The following SYT1 variants were observed in gnomAD, a reference collection of about 807,000 sequenced individuals.
SYT1 encodes synaptotagmin 1.
Under a neutral mutation model 44.8 loss-of-function variants are expected in SYT1, and 8 were observed. The observed-to-expected ratio is 0.18, with a 90% confidence interval of 0.10 to 0.32. The LOEUF (loss-of-function observed/expected upper bound fraction) is 0.32, where lower values mean the gene tolerates loss of function less well. Ranked by LOEUF, SYT1 falls within the 10% of genes least tolerant of loss-of-function variation. SYT1 has a pLI of 1.00. For missense variants in SYT1, 286 were observed against 509.3 expected, an observed-to-expected ratio of 0.56 and a Z score of 4.22; for synonymous variants, 154 against 188.8, an observed-to-expected ratio of 0.82 and a Z score of 1.51.
intron 2 of SYT1, among the ~76,000 whole-genome samples, chr12:79,012,852 G>T (rs1481919514): frequency 6.6e-6 from 1 of 152,100 alleles, no homozygotes; most frequent in African/African-American, 2.4e-5. Flanking sequence ...TTTATGATGA[G>T]GTAATGTCCT....
chr12:78,978,369 G>A (rs921231911), intron 2 of SYT1, among the ~76,000 whole-genome samples: 1 of 152,166 alleles, frequency 6.6e-6, no homozygotes, highest in Non-Finnish European at 1.5e-5. Flanking sequence ...TGGGTGAGGG[G>A]TTAGAGGGGA....
At chr12:78,972,879 G>A (rs1257063159) in intron 1 of SYT1, among the ~76,000 whole-genome samples, 2 of 151,996 alleles carry the variant, frequency 1.3e-5, no homozygotes, top group East Asian at 3.9e-4. Context: ...TCTCTAAACT[G>A]AGAATAACTA....
chr12:79,040,245 T>G (rs967835138), intron 2 of SYT1, among the ~76,000 whole-genome samples: 2 of 150,744 alleles, frequency 1.3e-5, no homozygotes, highest in African/African-American at 4.9e-5. Flanking sequence ...ACCAACAGTG[T>G]AAAAGTGTTC....
intron 2 of SYT1, among the ~76,000 whole-genome samples, chr12:78,986,135 A>G (rs1869625240): frequency 1.3e-5 from 2 of 152,030 alleles, no homozygotes; most frequent in African/African-American, 4.8e-5. Context: ...CAAACGGAAA[A>G]TCTAAGTTTG....
chr12:78,994,524 T>C (rs1870236334), intron 2 of SYT1, among the ~76,000 whole-genome samples: 1 of 149,944 alleles, frequency 6.7e-6, no homozygotes, highest in African/African-American at 2.4e-5. Context: ...GAGCATCCTT[T>C]GTTCTGAGGA....
chr12:79,306,605 C>T (rs1220862118), intron 8 of SYT1, among the ~76,000 whole-genome samples: 1 of 152,146 alleles, frequency 6.6e-6, no homozygotes, highest in East Asian at 1.9e-4. Context: ...GGAAAATTCT[C>T]ATTAGGAGAT....
chr12:79,295,462 C>T (rs1397182607), intron 6 of SYT1, among the ~76,000 whole-genome samples: 1 of 152,132 alleles, frequency 6.6e-6, no homozygotes, highest in African/African-American at 2.4e-5. Flanking sequence ...TCTTTTACTC[C>T]GTGTCCTATA....
chr12:79,449,219 C>G lies in SYT1; in HGVS notation c.*95C>G. 7.9e-7 allele frequency: 1 copy of G among 1,264,144 alleles called. No homozygotes were observed. The highest frequency in any genetic ancestry group is 1.1e-6 in the Non-Finnish European group (1 of 908,632). 78.3% of individuals were successfully genotyped at this position (1,264,144 alleles called of 1,614,324 possible). A position where few individuals can be genotyped will look rare whatever the true frequency, so the allele number is the denominator to read the frequency against. On this transcript the variant is annotated 3_prime_UTR_variant, in exon 11 of 11. Transcript: ENST00000261205. ...AATATGGGTCCTTTCATTTTTCCAG[C>G]CATGCATTCCTAACACAATTCAGTG...
chr12:79,022,935 C>T (rs113729603), intron 2 of SYT1, among the ~76,000 whole-genome samples: 1 of 151,658 alleles, frequency 6.6e-6, no homozygotes, highest in Non-Finnish European at 1.5e-5. Context: ...CTAGAAATAA[C>T]CTTTAGATAA....
intron 3 of SYT1, among the ~76,000 whole-genome samples, chr12:79,062,370 A>C (rs933325156): frequency 6.6e-6 from 1 of 152,140 alleles, no homozygotes; most frequent in Non-Finnish European, 1.5e-5. Flanking sequence ...TTCTGTTACA[A>C]ATAACTTGCA....
At chr12:79,158,257 C>T (rs1470324850) in intron 3 of SYT1, among the ~76,000 whole-genome samples, 4 of 152,002 alleles carry the variant, frequency 2.6e-5, no homozygotes, top group Non-Finnish European at 4.4e-5. Flanking sequence ...TGATGGGAGA[C>T]AATGACAGAT....
chr12:79,444,031 T>C (rs773793910), intron 9 of SYT1, 42 bp from the exon 10 acceptor site: 1 of 1,601,620 alleles, frequency 6.2e-7, no homozygotes, highest in Non-Finnish European at 8.5e-7. Flanking sequence ...CTAAAATATG[T>C]GTCTCTGATC....
intron 3 of SYT1, among the ~76,000 whole-genome samples, chr12:79,162,013 GA>G (rs762853644): frequency 3.3e-5 from 5 of 152,058 alleles, no homozygotes; most frequent in African/African-American, 4.8e-5. Context: ...AGGTTTTCTT[GA>G]AATATGTGAT....
Position 79,299,488 on chromosome 12 carries a change from C to T in SYT1, c.747C>T (p.Asn249=), listed in dbSNP as rs1302802358. 2 of 1,613,470 alleles carry T rather than the reference C, an allele frequency of 1.2e-6. No homozygotes were observed. Among genetic ancestry groups the T allele is most frequent in the Non-Finnish European group, 1.7e-6 (2 of 1,179,638 alleles). Residue 249 remains asparagine, a synonymous_variant, in exon 8 of 11, where the codon AAC becomes AAT. Transcript: ENST00000261205. ...TTGGAGAATTTAAAGTCCCTATGAA[C>T]ACAGTGGATTTTGGCCATGTAACTG... is the stretch of plus-strand genomic sequence containing the variant. The part of the protein sequence containing the change: ...DIIGEFKVPM[N]TVDFGHVTEE...
At chr12:79,039,775 C>A (rs1873405339) in intron 2 of SYT1, among the ~76,000 whole-genome samples, 1 of 123,654 alleles carries the variant, frequency 8.1e-6, no homozygotes, top group African/African-American at 3.0e-5. Context: ...CTTCCCCCTC[C>A]CCCCACCCAA....
chr12:79,277,337 A>G (rs1262622898), intron 4 of SYT1, among the ~76,000 whole-genome samples: 1 of 152,202 alleles, frequency 6.6e-6, no homozygotes, highest in Non-Finnish European at 1.5e-5. Flanking sequence ...GAAACCTTCT[A>G]AACCAGAAGG....
At chr12:79,420,113 G>C (rs186486439) in intron 9 of SYT1, among the ~76,000 whole-genome samples, 1 of 152,204 alleles carries the variant, frequency 6.6e-6, no homozygotes, top group Admixed American at 6.6e-5. Context: ...TGCTGTCACA[G>C]ACAATACAAC....
At chr12:79,325,898 C>G (rs1881588214) in intron 8 of SYT1, among the ~76,000 whole-genome samples, 1 of 152,178 alleles carries the variant, frequency 6.6e-6, no homozygotes, top group Non-Finnish European at 1.5e-5. Flanking sequence ...AATATTAGCT[C>G]CCTTTCCTCT....
At chr12:79,399,001 T>A (rs539682661) in intron 9 of SYT1, among the ~76,000 whole-genome samples, 150 of 152,306 alleles carry the variant, frequency 9.8e-4, no homozygotes, top group African/African-American at 3.3e-3. Flanking sequence ...AAATAAATCA[T>A]GTAGTCTCAG....
Sources: gnomAD v4.1 joint callset for allele counts (sites outside exome capture counted in the v4.1 genomes callset) on GRCh38, gnomAD v4.1.1 for gene constraint, MANE v1.5 for transcripts, NCBI Gene and HGNC (gene_info 2026-07-23, HGNC 2026-07-21) for gene names.